WWOX: variants seen among roughly 807,000 people sequenced by gnomAD.
WWOX encodes the protein WW domain containing oxidoreductase.
In WWOX, 69 loss-of-function variants were observed where a neutral mutation model predicts 46.2. That is an observed-to-expected ratio of 1.49 (90% CI 1.23 to 1.82). WWOX has a LOEUF of 1.82. Among genes scored for constraint, WWOX ranks in the 40% most tolerant of loss-of-function variants. WWOX has a pLI of 0.00. For synonymous variants in WWOX, 359 were observed against 202.6 expected (o/e 1.77, Z -6.56); for missense variants, 919 against 542.6 (o/e 1.69, Z -6.89).
rs536991018 is a variant in WWOX, at chr16:78,912,385, A to G, written c.1057-299223A>G. 2.0e-5 allele frequency among the ~76,000 whole-genome samples: 3 copies of G among 151,992 alleles called. No individual in the cohort carries two copies. In the East Asian group the frequency reaches 5.8e-4, roughly 29 times the overall value. On this transcript the variant is annotated intron_variant, in intron 8 of 8. Coordinates refer to ENST00000566780, the MANE Select transcript of WWOX (RefSeq NM_016373.4). ...GTCATCTGCATTTTGCACATGACAA[A>G]TCTGAGGGTCAGAGAACTTGCCCAG...
chr16:78,113,060 C>A (rs1447537775), intron 3 of WWOX, among the ~76,000 whole-genome samples: 1 of 152,170 alleles, frequency 6.6e-6, no homozygotes, highest in Non-Finnish European at 1.5e-5. Context: ...GCAGTCTTTG[C>A]CTTTGCATTC....
intron 4 of WWOX, among the ~76,000 whole-genome samples, chr16:78,119,642 A>G (rs1210572240): frequency 2.0e-5 from 3 of 148,496 alleles, no homozygotes; most frequent in Non-Finnish European, 3.0e-5. Context: ...TTTTTTTTTA[A>G]TGTTTGAGAT....
intron 8 of WWOX, among the ~76,000 whole-genome samples, chr16:79,155,685 G>A (rs1034622009): frequency 2.6e-5 from 4 of 152,124 alleles, no homozygotes; most frequent in Admixed American, 2.0e-4. Context: ...TTTGGTTATA[G>A]GAGGTCAGGG....
At chr16:78,739,758 C>A (rs542066834) in intron 8 of WWOX, among the ~76,000 whole-genome samples, 1 of 152,226 alleles carries the variant, frequency 6.6e-6, no homozygotes, top group East Asian at 1.9e-4. Flanking sequence ...TTGCAGTGAG[C>A]CGAGATCGTA....
chr16:78,516,138 C>T (rs1033554314), intron 8 of WWOX, among the ~76,000 whole-genome samples: 20 of 152,144 alleles, frequency 1.3e-4, no homozygotes, highest in East Asian at 3.9e-4. Flanking sequence ...CCTTTCTTTC[C>T]GCAGTGCCCA....
chr16:78,296,288 A>G (rs1212405512), intron 5 of WWOX, among the ~76,000 whole-genome samples: 4 of 151,906 alleles, frequency 2.6e-5, no homozygotes, highest in African/African-American at 9.7e-5. Flanking sequence ...TCTGGTAATA[A>G]TACTTTTTTA....
chr16:79,167,677 G>A (rs1010586709), intron 8 of WWOX, among the ~76,000 whole-genome samples: 1 of 152,148 alleles, frequency 6.6e-6, no homozygotes, highest in Non-Finnish European at 1.5e-5. Context: ...TCAAATTCAG[G>A]CCACAATGAC....
At chr16:78,515,753 C>A (rs2043222054) in intron 8 of WWOX, among the ~76,000 whole-genome samples, 2 of 152,176 alleles carry the variant, frequency 1.3e-5, no homozygotes. Flanking sequence ...AGCACTTCTG[C>A]AACAGTTTCT....
At chr16:78,365,317 T>G (rs539387801) in intron 5 of WWOX, among the ~76,000 whole-genome samples, 1 of 152,288 alleles carries the variant, frequency 6.6e-6, no homozygotes, top group East Asian at 1.9e-4. Context: ...AGCCAGCTGT[T>G]GGTTATGTTT....
rs944246489 is a variant in WWOX, at chr16:78,764,615, C to G, written c.1056+331863C>G. Among the ~76,000 whole-genome samples the G allele has an allele frequency of 2.8e-5, 4 of 145,156 alleles. No homozygotes were observed. The East Asian group carries it at 6.1e-4, about 22-fold the overall frequency. ...GCCCCGGGTGGGTTTGGAAGCCATG[C>G]TGCTATGGTTTGATTCCTGGCTTTC... On this transcript the variant is annotated intron_variant, in intron 8 of 8. Coordinates refer to ENST00000566780, the MANE Select transcript of WWOX (RefSeq NM_016373.4).
intron 8 of WWOX, among the ~76,000 whole-genome samples, chr16:78,858,144 T>G (rs199637870): frequency 4.0e-5 from 6 of 148,650 alleles, no homozygotes; most frequent in East Asian, 4.0e-4. Context: ...CATTGTGTGT[T>G]TGTGTGTGTG....
At chr16:78,404,931 C>A (rs2082492517) in intron 6 of WWOX, among the ~76,000 whole-genome samples, 1 of 152,218 alleles carries the variant, frequency 6.6e-6, no homozygotes, top group African/African-American at 2.4e-5. Flanking sequence ...ATATCATGCC[C>A]ATTGCACTAA....
Position 78,106,411 on chromosome 16 carries a change from G to GTTTTTTTTT in WWOX, c.108-2011_108-2003dup, listed in dbSNP as rs998219778. On this transcript the variant is annotated intron_variant, in intron 1 of 8. Transcript: ENST00000566780. ...ACTAGAGAGCCAGAGAGTCAGAACG[G>GTTTTTTTTT]TTTTTTTTTGTTTTTTTTTTTTTTT... Among the ~76,000 whole-genome samples the GTTTTTTTTT allele has an allele frequency of 6.5e-5, 8 of 123,744 alleles. 1 individual carries two copies. The highest frequency in any genetic ancestry group is 1.4e-4 in the African/African-American group (5 of 35,094). 81.2% of individuals were successfully genotyped at this position (123,744 alleles called of 152,430 possible). A position where few individuals can be genotyped will look rare whatever the true frequency, so the allele number is the denominator to read the frequency against.
chr16:78,981,336 A>T (rs1322123357), intron 8 of WWOX, among the ~76,000 whole-genome samples: 1 of 152,080 alleles, frequency 6.6e-6, no homozygotes, highest in South Asian at 2.1e-4. Context: ...GGGGGGGAAA[A>T]CGCCAGCAGA....
At chr16:78,360,585 C>CAAAAAAAAAAAAAA (rs56382445) in intron 5 of WWOX, among the ~76,000 whole-genome samples, 6 of 86,520 alleles carry the variant, frequency 6.9e-5, no homozygotes, top group African/African-American at 2.5e-4. Context: ...GACTCTGTCT[C>CAAAAAAAAAAAAAA]AAAAAAAAAA....
At chr16:78,906,618 C>A (rs983036639) in intron 8 of WWOX, among the ~76,000 whole-genome samples, 1 of 152,152 alleles carries the variant, frequency 6.6e-6, no homozygotes, top group South Asian at 2.1e-4. Flanking sequence ...GAGAGCAAAA[C>A]CATGCCAGTC....
At chr16:78,249,553 G>C (rs2037923622) in intron 5 of WWOX, among the ~76,000 whole-genome samples, 1 of 152,224 alleles carries the variant, frequency 6.6e-6, no homozygotes, top group Non-Finnish European at 1.5e-5. Flanking sequence ...CCTGGGCTGA[G>C]TTTTTAATGT....
At chr16:78,955,311 A>G (rs1229388700) in intron 8 of WWOX, among the ~76,000 whole-genome samples, 2 of 152,198 alleles carry the variant, frequency 1.3e-5, no homozygotes, top group East Asian at 1.9e-4. Context: ...ACAGCTGCAC[A>G]TACAACAACG....
chr16:78,753,860 A>ATG (rs1555529348), intron 8 of WWOX, among the ~76,000 whole-genome samples: 1 of 125,600 alleles, frequency 8.0e-6, no homozygotes, highest in African/African-American at 2.9e-5. Flanking sequence ...ATATATGTAT[A>ATG]TGTATATGTA....
Sources: allele counts gnomAD v4.1 joint callset (sites outside exome capture counted in the v4.1 genomes callset), GRCh38; gene constraint gnomAD v4.1.1; transcripts MANE v1.5; gene names NCBI Gene and HGNC (gene_info 2026-07-23, HGNC 2026-07-21).